The following UFL1 variants were observed in gnomAD, a reference collection of about 807,000 sequenced individuals.
UFL1 encodes E3 UFM1-protein ligase 1.
A neutral mutation model predicts 99.3 loss-of-function variants in UFL1; 78 were observed. The observed-to-expected ratio is 0.79, with a 90% CI of 0.65 to 0.95. The LOEUF is 0.95. Among genes scored for constraint, UFL1 ranks in the 40% least tolerant of loss-of-function variants. The pLI is 0.00. For missense variants in UFL1, 936 were observed against 937.0 expected (o/e 1.00, Z 0.01); for synonymous variants, 335 against 322.2 (o/e 1.04, Z -0.42).
At chr6:96,529,564 C>T (rs1769752219) in intron 6 of UFL1, among the ~76,000 whole-genome samples, 1 of 152,204 alleles carries the variant, frequency 6.6e-6, no homozygotes, top group African/African-American at 2.4e-5. Flanking sequence ...CAACTTCCTT[C>T]TTGAAATACT....
Position 96,534,284 on chromosome 6 carries a change from G to A in UFL1, c.618G>A (p.Leu206=). ...AITRPTAVNS[L]ISKYGFQEQL... is the part of the protein sequence containing the mutation. ...AAAGGCCTACAGCTGTGAATTCTTT[G>A]ATTTCAAAATATGGATTTCAGGAGC... Residue 206 remains leucine, a synonymous_variant, in exon 7 of 19, where the codon TTG becomes TTA. Transcript: ENST00000369278. The A allele has an allele frequency of 6.4e-7, 1 of 1,565,874 alleles. No homozygotes were observed. Among genetic ancestry groups the A allele is most frequent in the Non-Finnish European group, 8.6e-7 (1 of 1,159,310 alleles).
intron 12 of UFL1, among the ~76,000 whole-genome samples, chr6:96,543,282 A>G (rs1449460192): frequency 6.6e-6 from 1 of 151,242 alleles, no homozygotes; most frequent in Non-Finnish European, 1.5e-5. Flanking sequence ...AAATCAGTAC[A>G]TAAATAACAG....
At chr6:96,523,855 A>G (rs115006308) in intron 2 of UFL1, among the ~76,000 whole-genome samples, 181 of 152,304 alleles carry the variant, frequency 1.2e-3, no homozygotes, top group African/African-American at 3.9e-3. Context: ...AAATAGAAGC[A>G]ATTATGAAAG....
At position 96,536,611 on chromosome 6, in the gene UFL1, C is replaced by T. The variant is rs114777686; in HGVS notation, c.802+221C>T. 4.9e-3 allele frequency among the ~76,000 whole-genome samples: 739 copies of T among 151,692 alleles called. 4 individuals carry two copies. Among genetic ancestry groups the T allele is most frequent in the African/African-American group, 0.017 (700 of 41,404 alleles). On this transcript the variant is annotated intron_variant, in intron 8 of 18. Transcript: ENST00000369278. ...TTTGAGTATAAAAGTAATCACACTG[C>T]GAGTTTCTGTGGGTCTTGGAACTGA...
chr6:96,532,873 A>G (rs953135297), intron 6 of UFL1, among the ~76,000 whole-genome samples: 21 of 152,316 alleles, frequency 1.4e-4, no homozygotes, highest in African/African-American at 5.1e-4. Flanking sequence ...AATTTAGCTG[A>G]AAATTTTGAG....
intron 13 of UFL1, among the ~76,000 whole-genome samples, chr6:96,548,619 T>C (rs564591368): frequency 6.6e-6 from 1 of 151,652 alleles, no homozygotes; most frequent in South Asian, 2.1e-4. Context: ...AAAATAACAT[T>C]CAAAAGGAAG....
In UFL1 at chr6:96,534,245, T is replaced by G. The variant is rs1769822470; in HGVS notation, c.597-18T>G. The stretch of plus-strand genomic sequence containing the variant: ...TATAATGAGTAAGAAGTTTTTTTTT[T>G]TTTAACTTTCCATAAAGGCCTACAG... On this transcript the variant is annotated intron_variant, in intron 6 of 18. Coordinates refer to ENST00000369278, the MANE Select transcript of UFL1 (RefSeq NM_015323.5). The G allele has an allele frequency of 6.0e-6, 9 of 1,510,648 alleles. No homozygotes were observed. In the East Asian group the frequency reaches 2.1e-4, roughly 36 times the overall value. 93.6% of individuals were successfully genotyped at this position (1,510,648 alleles called of 1,614,324 possible).
intron 13 of UFL1, 128 bp from the exon 14 acceptor site, chr6:96,549,284 T>G: frequency 1.4e-6 from 1 of 697,708 alleles, no homozygotes; most frequent in Non-Finnish European, 2.1e-6. Context: ...TGTCTCCAAA[T>G]TAATTTTATT....
chr6:96,553,540 T>TC lies in UFL1; in HGVS notation c.*42dup. On this transcript the variant is annotated 3_prime_UTR_variant, in exon 19 of 19. Transcript: ENST00000369278. ...TACATTTGTCATATAGTAAGCATTT[T>TC]CCCCCAAGGTTGAAGGTGAGTGGTC... 2.5e-6 allele frequency: 4 copies of TC among 1,586,688 alleles called. No homozygotes were observed. The highest frequency in any genetic ancestry group is 3.4e-6 in the Non-Finnish European group (4 of 1,164,076).
intron 9 of UFL1, 87 bp from the exon 10 acceptor site, chr6:96,538,544 C>G: frequency 8.0e-7 from 1 of 1,252,476 alleles, no homozygotes; most frequent in Non-Finnish European, 1.1e-6. Context: ...ATGAGATCAT[C>G]TAGAGAGAGC....
intron 1 of UFL1, chr6:96,522,890 G>C (rs896119425): frequency 3.6e-6 from 1 of 279,932 alleles, no homozygotes; most frequent in Non-Finnish European, 6.6e-6. Flanking sequence ...AGGCCTGTAA[G>C]AGACAACAGA....
intron 10 of UFL1, among the ~76,000 whole-genome samples, chr6:96,539,711 G>A (rs951792388): frequency 5.9e-5 from 9 of 151,454 alleles, no homozygotes; most frequent in Non-Finnish European, 1.2e-4. Context: ...TAAAATGTTT[G>A]TTCCATGTTA....
intron 2 of UFL1, among the ~76,000 whole-genome samples, chr6:96,523,503 ATAT>A (rs1335908559): frequency 2.0e-5 from 3 of 152,192 alleles, no homozygotes; most frequent in African/African-American, 7.2e-5. Flanking sequence ...GTCACTTAAA[ATAT>A]TTTATCATTT....
Position 96,552,482 on chromosome 6 carries a change from A to G in UFL1, c.1986A>G (p.Arg662=). 1 of 1,546,404 alleles carries G rather than the reference A, an allele frequency of 6.5e-7. No homozygotes were observed. Among genetic ancestry groups the G allele is most frequent in the Non-Finnish European group, 8.6e-7 (1 of 1,157,972 alleles). ...TTTGTGTGCTTTTTTTTTTTTTTAG[A>G]CAGATACTGTTCCAACATCGACAAG... ...MVKRGDKKRE[R]QILFQHRQAL... The change falls in exon 18 of 19, where the codon AGA becomes AGG. Residue 662 remains arginine (R), a splice_region_variant and synonymous_variant. Coordinates refer to ENST00000369278, the MANE Select transcript of UFL1 (RefSeq NM_015323.5).
intron 8 of UFL1, 103 bp from the exon 9 acceptor site, chr6:96,537,271 C>A: frequency 1.1e-6 from 1 of 939,542 alleles, no homozygotes; most frequent in Non-Finnish European, 1.5e-6. Context: ...AGAAGGTAGA[C>A]ATCTCTAATA....
intron 18 of UFL1, 48 bp from the exon 19 acceptor site, chr6:96,553,237 C>T: frequency 6.5e-7 from 1 of 1,548,768 alleles, no homozygotes; most frequent in East Asian, 2.3e-5. Context: ...TTATCTGTTC[C>T]ACAAAAAGAT....
chr6:96,548,702 C>T (rs1163487835), intron 13 of UFL1, among the ~76,000 whole-genome samples: 1 of 151,602 alleles, frequency 6.6e-6, no homozygotes, highest in Non-Finnish European at 1.5e-5. Flanking sequence ...AACAAATTCA[C>T]TTCAAAAAGA....
chr6:96,522,692 A>G (rs1433375314), intron 1 of UFL1, among the ~76,000 whole-genome samples: 1 of 152,218 alleles, frequency 6.6e-6, no homozygotes, highest in East Asian at 1.9e-4. Context: ...TTATGGTTTC[A>G]CTAGGCCACA....
In UFL1 at chr6:96,523,259, A is replaced by T; in HGVS notation, c.191A>T (p.Lys64Ile). The T allele has an allele frequency of 6.2e-7, 1 of 1,611,046 alleles. No homozygotes were observed. Among genetic ancestry groups the T allele is most frequent in the South Asian group, 1.1e-5 (1 of 90,422 alleles). The change falls in exon 2 of 19, where the codon AAA (lysine) becomes ATA (isoleucine). Residue 64 changes from lysine to isoleucine, a missense_variant. Coordinates refer to ENST00000369278, the MANE Select transcript of UFL1 (RefSeq NM_015323.5). ...TATATTACTCCAGCCCAAATTAGTA[A>T]AGAAATGAGAGATGAGCTACATGTC... Reference protein sequence around the residue: ...KEYITPAQISKEMRDELHVRG... With the variant: ...KEYITPAQISIEMRDELHVRG...
Sources: allele counts gnomAD v4.1 joint callset (sites outside exome capture counted in the v4.1 genomes callset), GRCh38; gene constraint gnomAD v4.1.1; transcripts MANE v1.5; gene names NCBI Gene and HGNC (gene_info 2026-07-23, HGNC 2026-07-21).